The following EDA variants were observed in gnomAD, a reference collection of about 807,000 sequenced individuals.
The protein encoded by EDA is ectodysplasin-A.
In EDA, 2 loss-of-function variants were observed where a neutral mutation model predicts 23.6. The ratio of observed to expected loss-of-function variants is 0.08; its 90% CI spans 0.03 to 0.27. EDA has a LOEUF of 0.27. EDA is among the 10% of genes least tolerant of loss of function. The pLI is 1.00. For synonymous variants in EDA, 131 were observed against 132.0 expected, an observed-to-expected ratio of 0.99 and a Z score of 0.05; for missense variants, 229 against 324.2, an observed-to-expected ratio of 0.71 and a Z score of 2.26.
intron 2 of EDA, among the ~76,000 whole-genome samples, chrX:70,012,492 TAAG>T (rs2019890311): frequency 8.9e-6 from 1 of 112,165 alleles, no homozygotes; most frequent in African/African-American, 3.2e-5. Context: ...TTGAAAATAA[TAAG>T]AATTACTTAC....
chrX:69,655,762 CTA>C (rs3077261), intron 1 of EDA, among the ~76,000 whole-genome samples: 656 of 52,398 alleles, frequency 0.013, 62 homozygotes, highest in African/African-American at 0.063. Context: ...TCATTAGAAT[CTA>C]TATATATATA....
At chrX:69,752,458 G>A (rs1225195045) in intron 1 of EDA, among the ~76,000 whole-genome samples, 1 of 111,783 alleles carries the variant, frequency 8.9e-6, no homozygotes, top group Non-Finnish European at 1.9e-5. Flanking sequence ...GCTTTTTGAT[G>A]TGCTGCTGGA....
chrX:69,773,940 A>G (rs925673543), intron 1 of EDA, among the ~76,000 whole-genome samples: 4 of 111,487 alleles, frequency 3.6e-5, no homozygotes, highest in Non-Finnish European at 5.7e-5. Flanking sequence ...AATAATCTTT[A>G]GTTCTGTTCT....
At chrX:69,682,341 G>C (rs916830482) in intron 1 of EDA, among the ~76,000 whole-genome samples, 1 of 112,586 alleles carries the variant, frequency 8.9e-6, no homozygotes, top group African/African-American at 3.2e-5. Flanking sequence ...AGCTGTGGTG[G>C]GCTCCACCCA....
intron 1 of EDA, among the ~76,000 whole-genome samples, chrX:69,827,616 A>C (rs1309699949): frequency 9.0e-6 from 1 of 111,267 alleles, no homozygotes; most frequent in African/African-American, 3.3e-5. Context: ...TTTTTTTCAA[A>C]GTTTTCAACC....
At chrX:69,995,653 C>T (rs1046672062) in intron 2 of EDA, among the ~76,000 whole-genome samples, 1 of 112,434 alleles carries the variant, frequency 8.9e-6, no homozygotes, top group African/African-American at 3.2e-5. Flanking sequence ...GAAGAGCCAG[C>T]AGTAGACTGT....
intron 2 of EDA, among the ~76,000 whole-genome samples, chrX:69,960,885 G>C (rs1207418394): frequency 9.2e-6 from 1 of 108,636 alleles, no homozygotes; most frequent in African/African-American, 3.4e-5. Context: ...GGGGCACTGT[G>C]GCACACACCT....
chrX:69,909,532 C>G (rs752498227), intron 1 of EDA, among the ~76,000 whole-genome samples: 6 of 112,462 alleles, frequency 5.3e-5, no homozygotes, highest in Admixed American at 9.4e-5. Context: ...CTCCTGAGCT[C>G]AAGTGATCCG....
chrX:69,728,838 G>A (rs1276427650), intron 1 of EDA, among the ~76,000 whole-genome samples: 1 of 111,477 alleles, frequency 9.0e-6, no homozygotes, highest in East Asian at 2.8e-4. Flanking sequence ...CTACCCCATG[G>A]TGTACAGGTT....
chrX:69,787,382 A>G (rs1434650253), intron 1 of EDA, among the ~76,000 whole-genome samples: 1 of 99,799 alleles, frequency 1.0e-5, no homozygotes, highest in East Asian at 3.0e-4. Context: ...GTTTCTTCCT[A>G]GTCTCGATGG....
intron 1 of EDA, among the ~76,000 whole-genome samples, chrX:69,860,625 G>T (rs900675541): frequency 7.2e-5 from 8 of 110,927 alleles, no homozygotes; most frequent in Admixed American, 6.7e-4. Context: ...TCCCTGTGTA[G>T]GTGACCTGAC....
chrX:69,721,516 C>T (rs183060558), intron 1 of EDA, among the ~76,000 whole-genome samples: 1 of 111,390 alleles, frequency 9.0e-6, no homozygotes, highest in African/African-American at 3.3e-5. Flanking sequence ...AAGCTCAGGC[C>T]TGGTGGGGAA....
intron 1 of EDA, among the ~76,000 whole-genome samples, chrX:69,894,964 A>T (rs1180223783): frequency 1.8e-5 from 2 of 111,234 alleles, no homozygotes; most frequent in Non-Finnish European, 3.8e-5. Context: ...GTGGAGAGAG[A>T]GAGGGCATCC....
chrX:69,901,997 G>C (rs1306187810), intron 1 of EDA, among the ~76,000 whole-genome samples: 2 of 112,218 alleles, frequency 1.8e-5, no homozygotes, highest in Non-Finnish European at 3.8e-5. Flanking sequence ...TTAACACACT[G>C]TATGTTGAAA....
At chrX:69,938,814 A>G (rs936963981) in intron 1 of EDA, among the ~76,000 whole-genome samples, 1 of 111,927 alleles carries the variant, frequency 8.9e-6, no homozygotes, top group Non-Finnish European at 1.9e-5. Context: ...TCTTTTGCAA[A>G]TGGATATCCA....
At chrX:69,987,235 T>A (rs777286854) in intron 2 of EDA, among the ~76,000 whole-genome samples, 78 of 96,176 alleles carry the variant, frequency 8.1e-4, no homozygotes, top group African/African-American at 3.2e-3. Context: ...GTAACTAACC[T>A]GCACAATGTG....
intron 1 of EDA, among the ~76,000 whole-genome samples, chrX:69,658,994 A>G (rs1260265591): frequency 8.9e-6 from 1 of 111,868 alleles, no homozygotes; most frequent in South Asian, 3.8e-4. Flanking sequence ...AATACAAAAG[A>G]TAACCTCCCT....
chrX:69,813,732 T>C (rs1466867160), intron 1 of EDA, among the ~76,000 whole-genome samples: 1 of 111,188 alleles, frequency 9.0e-6, no homozygotes, highest in Non-Finnish European at 1.9e-5. Context: ...TCTTTTAAGC[T>C]AATTTGCAGT....
At chrX:69,725,660 G>A (rs755985256) in intron 1 of EDA, among the ~76,000 whole-genome samples, 1 of 112,530 alleles carries the variant, frequency 8.9e-6, no homozygotes, top group East Asian at 2.8e-4. Flanking sequence ...CATGTGCTCA[G>A]TACTTGTTGA....
Sources: allele counts gnomAD v4.1 joint callset (sites outside exome capture counted in the v4.1 genomes callset), GRCh38; gene constraint gnomAD v4.1.1; transcripts MANE v1.5; gene names NCBI Gene and HGNC (gene_info 2026-07-23, HGNC 2026-07-21).